The following GGT1 variants were observed in gnomAD, a reference collection of about 807,000 sequenced individuals.
GGT1 encodes the protein gamma-glutamyltransferase 1.
GGT1 carries 21 observed loss-of-function variants against 56.0 expected under a neutral mutation model. That is an observed-to-expected ratio of 0.38 (90% CI 0.27 to 0.54). The LOEUF is 0.54. GGT1 is among the 20% of genes least tolerant of loss of function. The pLI, the probability that GGT1 is intolerant of heterozygous loss-of-function variation, is 0.82. For missense variants in GGT1, 466 were observed against 787.0 expected (o/e 0.59, Z 4.88); for synonymous variants, 238 against 342.6 (o/e 0.69, Z 3.37).
At chr22:24,590,983 C>G (rs1010158591), upstream of GGT1, among the ~76,000 whole-genome samples, 4 of 152,264 alleles carry the variant, frequency 2.6e-5, no homozygotes, top group Non-Finnish European at 5.9e-5. Flanking sequence ...CTCACCCCAC[C>G]GCCTGCATAG....
chr22:24,587,294 C>T, the GGT1 span, among the ~76,000 whole-genome samples: 6 of 152,224 alleles, frequency 3.9e-5, no homozygotes, highest in Middle Eastern at 3.4e-3. Context: ...GGGAGGGCTC[C>T]CCGTGTTTTC....
chr22:24,593,819 T>C (rs897902213), upstream of GGT1, among the ~76,000 whole-genome samples: 1 of 151,346 alleles, frequency 6.6e-6, no homozygotes, highest in Non-Finnish European at 1.5e-5. Flanking sequence ...AAGAAATCTC[T>C]GCAGCTGGCA....
rs757818933 is a variant in GGT1, at chr22:24,605,091, TATA to T, written c.-429+1568_-429+1570del. On this transcript the variant is annotated intron_variant, in intron 1 of 15. Coordinates refer to ENST00000400382, the MANE Select transcript of GGT1 (RefSeq NM_001288833.2). ...AATATATAATATATAAAGTATATTA[TATA>T]ATATGTATTATATTATATATTATAT... Among the ~76,000 whole-genome samples the T allele has an allele frequency of 2.1e-3, 43 of 20,614 alleles. 12 individuals are homozygous for T. In the African/African-American group the frequency reaches 0.026, roughly 12 times the overall value. 13.5% of individuals were successfully genotyped at this position (20,614 alleles called of 152,430 possible). A position where few individuals can be genotyped will look rare whatever the true frequency, so the allele number is the denominator to read the frequency against.
intron 11 of GGT1, among the ~76,000 whole-genome samples, chr22:24,626,205 G>T (rs2047750504): frequency 1.3e-5 from 2 of 149,148 alleles, no homozygotes; most frequent in Non-Finnish European, 2.9e-5. Flanking sequence ...TGTTAGCCAG[G>T]ATGGTCTCGA....
At chr22:24,626,116 C>T (rs920487781) in intron 11 of GGT1, among the ~76,000 whole-genome samples, 5 of 145,192 alleles carry the variant, frequency 3.4e-5, no homozygotes, top group Admixed American at 6.9e-5. Flanking sequence ...CCTCAGCCCC[C>T]CAAGTAGCTG....
intron 1 of GGT1, among the ~76,000 whole-genome samples, chr22:24,605,111 A>ATAATATATAATATG (rs2045979226): frequency 1.2e-5 from 1 of 83,110 alleles, no homozygotes; most frequent in South Asian, 2.9e-4. Context: ...ATTATATTAT[A>ATAATATATAATATG]TATTATATAA....
At chr22:24,601,249 G>C (rs1206754995), upstream of GGT1, among the ~76,000 whole-genome samples, 2 of 152,214 alleles carry the variant, frequency 1.3e-5, no homozygotes, top group Admixed American at 6.5e-5. Context: ...CATGATGGCA[G>C]TTCGGGATGT....
chr22:24,598,972 T>G (rs743371), upstream of GGT1, among the ~76,000 whole-genome samples: 50,147 of 151,334 alleles, frequency 0.33, 8,661 homozygotes, highest in Middle Eastern at 0.49. Context: ...TCTCTATGTT[T>G]CCCAGGCTGC....
At chr22:24,586,260 G>C in the GGT1 span, 1 of 1,613,860 alleles carries the variant, frequency 6.2e-7, no homozygotes, top group Non-Finnish European at 8.5e-7. Context: ...TCATCACTCA[G>C]CCCCGTGAAG....
upstream of GGT1, among the ~76,000 whole-genome samples, chr22:24,591,255 T>C (rs2045558991): frequency 6.6e-6 from 1 of 152,214 alleles, no homozygotes; most frequent in African/African-American, 2.4e-5. Context: ...AATTTTGTAT[T>C]TTTAGCAGGG....
chr22:24,627,453 G>T lies in GGT1; in HGVS notation c.1042G>T (p.Glu348Ter). Residue 348 changes from glutamate to a stop codon, truncating the protein, a stop_gained, in exon 12 of 16, where the codon GAG (glutamate) becomes TAG (stop). Transcript: ENST00000400382. LOFTEE classifies it high-confidence loss of function. ...VTEVVRNMTS[E>*]FFAAQLRAQI... The stretch of plus-strand genomic sequence containing the variant: ...GCAGGTGGTCCGCAACATGACCTCC[G>T]AGTTCTTCGCTGCCCAGCTCCGGGC... The T allele has an allele frequency of 6.9e-7, 1 of 1,452,132 alleles. No individual in the cohort carries two copies. The highest frequency in any genetic ancestry group is 1.1e-5 in the South Asian group (1 of 88,798). The allele number at this position is 1,452,132 out of a possible 1,614,324, so 90.0% of individuals were successfully genotyped here.
chr22:24,623,937 C>A (rs1171141672), intron 11 of GGT1, 21 bp downstream of exon 11: 29 of 1,606,530 alleles, frequency 1.8e-5, no homozygotes, highest in Non-Finnish European at 2.2e-5. Flanking sequence ...GGGGCTGGCC[C>A]ACTGTGGGTG....
At chr22:24,614,348 C>CAAAAAAAAAA (rs534749815) in intron 5 of GGT1, among the ~76,000 whole-genome samples, 8 of 10,748 alleles carry the variant, frequency 7.4e-4, no homozygotes, top group African/African-American at 2.0e-3. Flanking sequence ...GACTTTGTCT[C>CAAAAAAAAAA]AAAAAAAAAA....
intron 9 of GGT1, among the ~76,000 whole-genome samples, chr22:24,622,753 A>AT (rs1247779815): frequency 1.3e-5 from 2 of 152,074 alleles, no homozygotes; most frequent in Non-Finnish European, 2.9e-5. Flanking sequence ...AAAAAAAAAA[A>AT]AGAAAAGAAA....
chr22:24,592,552 C>A (rs568752622), upstream of GGT1: 1 of 446,786 alleles, frequency 2.2e-6, no homozygotes, highest in Non-Finnish European at 4.3e-6. Context: ...TCCAGGCTAC[C>A]GGGCCACCCT....
At chr22:24,592,690 G>T, upstream of GGT1, 1 of 1,182,716 alleles carries the variant, frequency 8.5e-7, no homozygotes, top group Non-Finnish European at 1.1e-6. Context: ...GCAAGACCCC[G>T]CGTGCTGCAG....
intron 7 of GGT1, among the ~76,000 whole-genome samples, chr22:24,619,952 C>T (rs2147445405): frequency 6.7e-6 from 1 of 150,118 alleles, no homozygotes; most frequent in African/African-American, 2.5e-5. Context: ...CTCAGACATC[C>T]CTGGTCCATG....
upstream of GGT1, among the ~76,000 whole-genome samples, chr22:24,602,489 T>G (rs577557965): frequency 1.2e-4 from 18 of 152,282 alleles, no homozygotes; most frequent in African/African-American, 3.9e-4. Flanking sequence ...TCTGAGGGCT[T>G]AGAGGCTTCG....
At position 24,628,097 on chromosome 22, in the gene GGT1, G is replaced by A. The variant is rs766264249; in HGVS notation, c.1353G>A (p.Ser451=). 6.8e-6 allele frequency: 11 copies of A among 1,611,942 alleles called. No individual in the cohort carries two copies. The East Asian group carries it at 1.1e-4, about 16-fold the overall frequency. The change falls in exon 14 of 16, where the codon TCG becomes TCA. Residue 451 remains serine, a synonymous_variant. Coordinates refer to ENST00000400382, the MANE Select transcript of GGT1 (RefSeq NM_001288833.2). This position sits in a 1 kb window ranked among gnomAD's most constrained non-coding sequence, Gnocchi z 5.7. ...NFIQPGKQPL[S]SMCPTIMVGQ... ...CGGCCGCAGGGAAGCAGCCGCTCTC[G>A]TCCATGTGCCCGACGATCATGGTGG...
Sources: gnomAD v4.1 joint callset for allele counts (sites outside exome capture counted in the v4.1 genomes callset) on GRCh38, gnomAD v4.1.1 for gene constraint, Gnocchi (gnomAD v3.1) non-coding constraint, MANE v1.5 for transcripts, NCBI Gene and HGNC (gene_info 2026-07-23, HGNC 2026-07-21) for gene names.